Variants in SNRNP48 observed in about 807,000 individuals in gnomAD.
SNRNP48 encodes the protein U11/U12 small nuclear ribonucleoprotein 48 kDa protein.
SNRNP48 carries 43 observed loss-of-function variants against 47.0 expected under a neutral mutation model. That is an observed-to-expected ratio of 0.92 (90% CI 0.72 to 1.18). SNRNP48 has a LOEUF of 1.18. SNRNP48 is among the 50% of genes most tolerant of loss of function. SNRNP48 has a pLI of 0.00. For synonymous variants in SNRNP48, 138 were observed against 144.0 expected (o/e 0.96, Z 0.30); for missense variants, 396 against 422.2 (o/e 0.94, Z 0.54).
At chr6:7,602,527 C>G (rs1760045449) in intron 5 of SNRNP48, 96 bp from the exon 6 acceptor site, 2 of 970,286 alleles carry the variant, frequency 2.1e-6, no homozygotes, top group Admixed American at 3.3e-5. Flanking sequence ...TACTTTGAAA[C>G]AAGTTAAAAT....
chr6:7,593,966 G>C, intron 2 of SNRNP48, 119 bp downstream of exon 2: 1 of 983,598 alleles, frequency 1.0e-6, no homozygotes, highest in Non-Finnish European at 1.5e-6. Flanking sequence ...TTACTTGAAG[G>C]GTTGGTTGGT....
At position 7,605,441 on chromosome 6, in the gene SNRNP48, A is replaced by C; in HGVS notation, c.761A>C (p.Asn254Thr). ...AATGTGCACATGGAAGAACTCAGCA[A>C]TCATTGGCAAGAAGAGCAAGAGAAG... ...VINVHMEELS[N>T]HWQEEQEKAE... is the part of the protein sequence containing the mutation. The change falls in exon 7 of 9, where the codon AAT becomes ACT. Residue 254 changes from asparagine (N) to threonine (T), a missense_variant. Transcript: ENST00000342415. 1 of 1,614,150 alleles carries C rather than the reference A, an allele frequency of 6.2e-7. No individual in the cohort carries two copies. Among genetic ancestry groups the C allele is most frequent in the African/African-American group, 1.3e-5 (1 of 75,060 alleles).
intron 4 of SNRNP48, among the ~76,000 whole-genome samples, chr6:7,597,860 G>A (rs1017187011): frequency 7.6e-5 from 10 of 131,834 alleles, no homozygotes; most frequent in African/African-American, 2.6e-4. Flanking sequence ...ATTGTTAACC[G>A]TAACCTTTTT....
intron 1 of SNRNP48, among the ~76,000 whole-genome samples, chr6:7,591,132 C>T (rs1019749703): frequency 3.3e-5 from 5 of 152,184 alleles, no homozygotes; most frequent in Non-Finnish European, 5.9e-5. Flanking sequence ...CGCAGTTGCA[C>T]CAGATTCGGT....
intron 1 of SNRNP48, 82 bp downstream of exon 1, chr6:7,590,495 C>T (rs1021202985): frequency 1.5e-5 from 19 of 1,232,574 alleles, no homozygotes; most frequent in Non-Finnish European, 1.8e-5. Context: ...GCACTGGCAG[C>T]CGCGGAGGGA....
intron 4 of SNRNP48, chr6:7,600,293 T>A: frequency 1.3e-6 from 1 of 782,776 alleles, no homozygotes; most frequent in Non-Finnish European, 1.6e-6. Flanking sequence ...AGTATGCTCT[T>A]ATTTGAATTC....
At chr6:7,598,146 C>T (rs1176660320) in intron 4 of SNRNP48, among the ~76,000 whole-genome samples, 3 of 150,630 alleles carry the variant, frequency 2.0e-5, no homozygotes, top group African/African-American at 4.9e-5. Flanking sequence ...GGATTACAGG[C>T]GGGAGCCACC....
chr6:7,594,883 T>C lies in SNRNP48; in HGVS notation c.332-144T>C, dbSNP rs1213085127. On this transcript the variant is annotated intron_variant, in intron 3 of 8. Coordinates refer to ENST00000342415, the MANE Select transcript of SNRNP48 (RefSeq NM_152551.4). ...TCTGAAAGGATTCTGTGTTCAGATT[T>C]CATAGACAGGGATGTGGATGTTTCT... 19 of 638,120 alleles carry C rather than the reference T, an allele frequency of 3.0e-5. No homozygotes were observed. The South Asian group carries it at 3.8e-4, about 13-fold the overall frequency. 39.5% of individuals were successfully genotyped at this position (638,120 alleles called of 1,614,324 possible). A position where few individuals can be genotyped will look rare whatever the true frequency, so the allele number is the denominator to read the frequency against.
intron 5 of SNRNP48, among the ~76,000 whole-genome samples, chr6:7,601,850 G>GTT (rs200397081): frequency 5.9e-5 from 9 of 151,528 alleles, no homozygotes; most frequent in African/African-American, 1.9e-4. Context: ...GGTTTTTGGT[G>GTT]TTTTTTTTGT....
Position 7,600,055 on chromosome 6 carries a change from G to A in SNRNP48, c.407-1281G>A, listed in dbSNP as rs1581836802. ...ATTCAAAGGAATTAGGCTTATCAAA[G>A]CTGTTTTTATAATTTTGTATTATGA... On this transcript the variant is annotated intron_variant, in intron 4 of 8. Transcript: ENST00000342415. 4 of 996,114 alleles carry A rather than the reference G, an allele frequency of 4.0e-6. No individual in the cohort carries two copies. The East Asian group carries it at 4.2e-4, about 106-fold the overall frequency. The allele number at this position is 996,114 out of a possible 1,614,324, so 61.7% of individuals were successfully genotyped here. A position where few individuals can be genotyped will look rare whatever the true frequency, so the allele number is the denominator to read the frequency against.
intron 1 of SNRNP48, among the ~76,000 whole-genome samples, chr6:7,591,170 C>G (rs1435048611): frequency 1.3e-5 from 2 of 152,118 alleles, no homozygotes; most frequent in Non-Finnish European, 2.9e-5. Context: ...TTTGCCAGTT[C>G]GCCTTTCTGT....
In SNRNP48 at chr6:7,595,111, A is replaced by G; in HGVS notation, c.406+10A>G. ...GATTGTTATAATCAAAGTAAGTGGC[A>G]TTACAGTTTAAGTGAATTAAAGAAT... is the stretch of plus-strand genomic sequence containing the variant. On this transcript the variant is annotated intron_variant, in intron 4 of 8. Transcript: ENST00000342415. The G allele has an allele frequency of 1.9e-6, 3 of 1,567,028 alleles. No individual in the cohort carries two copies. The highest frequency in any genetic ancestry group is 2.6e-6 in the Non-Finnish European group (3 of 1,160,424).
chr6:7,597,977 T>C (rs1759935520), intron 4 of SNRNP48, among the ~76,000 whole-genome samples: 1 of 151,388 alleles, frequency 6.6e-6, no homozygotes, highest in African/African-American at 2.4e-5. Context: ...GCCATTCTTC[T>C]GCCTCAGGTC....
intron 8 of SNRNP48, 156 bp downstream of exon 8, chr6:7,606,351 G>A: frequency 2.6e-6 from 2 of 778,992 alleles, no homozygotes; most frequent in Non-Finnish European, 3.9e-6. Context: ...ATTCATTATA[G>A]TTCAGTTCAA....
At chr6:7,598,804 CAATCTT>C (rs1171461456) in intron 4 of SNRNP48, among the ~76,000 whole-genome samples, 4 of 152,190 alleles carry the variant, frequency 2.6e-5, no homozygotes, top group East Asian at 3.9e-4. Flanking sequence ...ACAGAATTCT[CAATCTT>C]AAACTTTATG....
At chr6:7,599,650 T>G in intron 4 of SNRNP48, 1 of 1,271,500 alleles carries the variant, frequency 7.9e-7, no homozygotes, top group Non-Finnish European at 1.0e-6. Flanking sequence ...TGCTTAACCT[T>G]TCCTGTACTT....
Position 7,593,850 on chromosome 6 carries a change from AC to A in SNRNP48, c.270+5del. On this transcript the variant is annotated splice_donor_region_variant and intron_variant, in intron 2 of 8. Transcript: ENST00000342415. ...TGGGCTATACCAAAGAAGAAGAGGT[AC>A]CATATATTTACTATATTATATATAC... 6.5e-7 allele frequency: 1 copy of A among 1,544,770 alleles called. No individual in the cohort carries two copies. Among genetic ancestry groups the A allele is most frequent in the Non-Finnish European group, 8.8e-7 (1 of 1,139,786 alleles).
chr6:7,607,127 G>A (rs1003134630), intron 8 of SNRNP48, among the ~76,000 whole-genome samples: 4 of 152,156 alleles, frequency 2.6e-5, no homozygotes, highest in African/African-American at 4.8e-5. Flanking sequence ...AGGCCAGCCC[G>A]GGCAACCTGG....
In SNRNP48 at chr6:7,590,254, A is replaced by G. The variant is rs371222790; in HGVS notation, c.-4A>G. 3.9e-4 allele frequency: 509 copies of G among 1,316,442 alleles called. 1 individual carries two copies. The African/African-American group carries it at 7.0e-3, about 18-fold the overall frequency. The allele number at this position is 1,316,442 out of a possible 1,614,324, so 81.5% of individuals were successfully genotyped here. On this transcript the variant is annotated 5_prime_UTR_variant, in exon 1 of 9. Transcript: ENST00000342415. ...CGCTTCCTCTTGGCGGGTGGGCTGC[A>G]GCTATGGAGGGCGAGCCTCCACCTG...
Sources: allele counts gnomAD v4.1 joint callset (sites outside exome capture counted in the v4.1 genomes callset), GRCh38; gene constraint gnomAD v4.1.1; transcripts MANE v1.5; gene names NCBI Gene and HGNC (gene_info 2026-07-23, HGNC 2026-07-21).